Variants in RAPGEF3 observed in about 807,000 individuals in gnomAD.
RAPGEF3 encodes the protein Rap guanine nucleotide exchange factor 3.
RAPGEF3 carries 103 observed loss-of-function variants against 129.8 expected under a neutral mutation model. The observed-to-expected ratio is 0.79, with a 90% CI of 0.68 to 0.93. The LOEUF (loss-of-function observed/expected upper bound fraction) is 0.93. Ranked by LOEUF, RAPGEF3 falls within the 40% of genes least tolerant of loss-of-function variation. The probability of loss-of-function intolerance (pLI) is 0.00; values close to 1 mark genes in which losing one functional copy is unlikely to be tolerated. For missense variants in RAPGEF3, 1,117 were observed against 1,207.4 expected (o/e 0.93, Z 1.11); for synonymous variants, 436 against 482.6 (o/e 0.90, Z 1.26).
chr12:47,740,156 G>T lies in RAPGEF3; in HGVS notation c.2358C>A (p.Ala786=). Residue 786 remains alanine (A), a synonymous_variant, in exon 23 of 28, where the codon GCC becomes GCA. Coordinates refer to ENST00000449771, the MANE Select transcript of RAPGEF3 (RefSeq NM_001098531.4). The part of the protein sequence containing the change: ...LPHKVRKLYS[A]LERLLDPSWN... ...GAGCACTCACCAGCAGCCTCTCGAG[G>T]GCGGAGTACAGCTTCCGGACTTTGT... 1.2e-6 allele frequency: 2 copies of T among 1,613,452 alleles called. No homozygotes were observed. The highest frequency in any genetic ancestry group is 2.2e-5 in the South Asian group (2 of 90,990).
chr12:47,740,041 T>G, intron 23 of RAPGEF3, 100 bp downstream of exon 23: 1 of 1,379,664 alleles, frequency 7.2e-7, no homozygotes, highest in East Asian at 2.5e-5. Flanking sequence ...AAAGGACGAG[T>G]AGAGGGGCTG....
intron 15 of RAPGEF3, 114 bp downstream of exon 15, chr12:47,747,430 G>A: frequency 9.8e-7 from 1 of 1,020,400 alleles, no homozygotes; most frequent in Non-Finnish European, 1.5e-6. Flanking sequence ...AGGAATTGAA[G>A]TAAGTGGTGC....
Position 47,749,090 on chromosome 12 carries a change from C to T in RAPGEF3, c.1042-159G>A. Reference sequence around the variant, plus strand: ...CTTTGGCTCCACCTCCTCAGCCTTCCCTACCTTCCATGCATCCTGCCTCCC... The same window carrying T: ...CTTTGGCTCCACCTCCTCAGCCTTCTCTACCTTCCATGCATCCTGCCTCCC... On this transcript the variant is annotated intron_variant, in intron 10 of 27. Transcript: ENST00000449771. The surrounding 1 kb of genome is among the most constrained non-coding windows in gnomAD (Gnocchi z 4.5). The T allele has an allele frequency of 1.5e-6, 1 of 673,088 alleles. No individual in the cohort carries two copies. The highest frequency in any genetic ancestry group is 2.6e-6 in the Non-Finnish European group (1 of 390,408). The allele number at this position is 673,088 out of a possible 1,614,324, so 41.7% of individuals were successfully genotyped here. A position where few individuals can be genotyped will look rare whatever the true frequency, so the allele number is the denominator to read the frequency against.
At chr12:47,742,474 G>A (rs1457809533) in intron 18 of RAPGEF3, among the ~76,000 whole-genome samples, 3 of 152,188 alleles carry the variant, frequency 2.0e-5, no homozygotes, top group Non-Finnish European at 4.4e-5. Context: ...GAAGGGAGAA[G>A]GCTTTTCTTT....
intron 23 of RAPGEF3, chr12:47,739,740 C>T: frequency 2.7e-6 from 1 of 368,550 alleles, no homozygotes. Flanking sequence ...CCCGCAAGCC[C>T]CTCGGAGTTC....
rs1001788637 is a variant in RAPGEF3 at position 47,749,117 on chromosome 12, C to G, written c.1042-186G>C. 3.1e-6 allele frequency: 2 copies of G among 648,638 alleles called. No homozygotes were observed. Among genetic ancestry groups the G allele is most frequent in the Non-Finnish European group, 5.4e-6 (2 of 373,788 alleles). 40.2% of individuals were successfully genotyped at this position (648,638 alleles called of 1,614,324 possible). On this transcript the variant is annotated intron_variant, in intron 10 of 27. Coordinates refer to ENST00000449771, the MANE Select transcript of RAPGEF3 (RefSeq NM_001098531.4). The surrounding 1 kb of genome is among the most constrained non-coding windows in gnomAD (Gnocchi z 4.5). ...TACCTTCCATGCATCCTGCCTCCCC[C>G]ACAGCCTAGTCCCCCGCCCCCTGCA...
At chr12:47,742,585 G>C (rs1382774649) in intron 18 of RAPGEF3, among the ~76,000 whole-genome samples, 1 of 152,196 alleles carries the variant, frequency 6.6e-6, no homozygotes, top group East Asian at 1.9e-4. Context: ...GAATGTTCCA[G>C]GTTCTCTGGA....
chr12:47,757,080 G>A (rs1401422627), intron 2 of RAPGEF3, among the ~76,000 whole-genome samples: 1 of 152,142 alleles, frequency 6.6e-6, no homozygotes, highest in Non-Finnish European at 1.5e-5. Flanking sequence ...GATTGCTTGG[G>A]CCTAGGAGTT....
chr12:47,738,669 G>T lies in RAPGEF3; in HGVS notation c.2526+21C>A, dbSNP rs758419471. 2.5e-6 allele frequency: 4 copies of T among 1,577,934 alleles called. No individual in the cohort carries two copies. The Admixed American group carries it at 5.0e-5, about 20-fold the overall frequency. ...CCTCCAACCTATGTTAGTAGTGAAT[G>T]CCTGCTCTCCCTGGACTCACCATCT... On this transcript the variant is annotated intron_variant, in intron 25 of 27. Transcript: ENST00000449771.
chr12:47,744,186 AC>A, intron 16 of RAPGEF3, 118 bp from the exon 17 acceptor site: 1 of 796,854 alleles, frequency 1.3e-6, no homozygotes, highest in Non-Finnish European at 2.0e-6. Context: ...CATTCACACC[AC>A]CAGAGGGCTC....
intron 2 of RAPGEF3, among the ~76,000 whole-genome samples, chr12:47,755,189 C>T (rs557465381): frequency 4.0e-4 from 61 of 152,272 alleles, no homozygotes; most frequent in Middle Eastern, 3.4e-3. Context: ...GACCAAAGCC[C>T]AGCTTTGCCA....
At chr12:47,744,743 C>G (rs898599075) in intron 16 of RAPGEF3, 2 of 153,860 alleles carry the variant, frequency 1.3e-5, no homozygotes, top group Non-Finnish European at 2.9e-5. Context: ...GACTCTGGTA[C>G]TGACTCTGTC....
chr12:47,749,929 C>G lies in RAPGEF3; in HGVS notation c.817+1G>C, dbSNP rs201367615. ...GGCTTCTTATGCCCTGCTGGACTTA[C>G]ACACGGTCCCTGCCTTGCTGTGTGG... On this transcript the variant is annotated splice_donor_variant, in intron 8 of 27. Transcript: ENST00000449771. LOFTEE classifies it high-confidence loss of function. This position sits in a 1 kb window ranked among gnomAD's most constrained non-coding sequence, Gnocchi z 4.5. 6.2e-7 allele frequency: 1 copy of G among 1,614,254 alleles called. No individual in the cohort carries two copies. Among genetic ancestry groups the G allele is most frequent in the Non-Finnish European group, 8.5e-7 (1 of 1,180,048 alleles).
Position 47,758,522 on chromosome 12 carries a change from C to G in RAPGEF3, c.6+29G>C, listed in dbSNP as rs753141643. Reference sequence around the variant, plus strand: ...CTTCCTCTCCCGCCCTCTCCTGCTCCTCCTCAACCCTGACCCCACCTTACC... The same window carrying G: ...CTTCCTCTCCCGCCCTCTCCTGCTCGTCCTCAACCCTGACCCCACCTTACC... On this transcript the variant is annotated intron_variant, in intron 1 of 27. Transcript: ENST00000449771. The G allele has an allele frequency of 8.1e-6, 13 of 1,612,378 alleles. No homozygotes were observed. In the South Asian group the frequency reaches 1.4e-4, roughly 18 times the overall value.
Position 47,741,460 on chromosome 12 carries a change from A to C in RAPGEF3, c.1923+45T>G, listed in dbSNP as rs762853248. ...CCAGAATCCACCACTGCCACACTCAAAATAGATCTCCTCCCTGGGCCCTGG... is the reference window on the plus strand; with the variant it reads ...CCAGAATCCACCACTGCCACACTCACAATAGATCTCCTCCCTGGGCCCTGG... On this transcript the variant is annotated intron_variant, in intron 19 of 27. Transcript: ENST00000449771. 4.5e-6 allele frequency: 7 copies of C among 1,559,714 alleles called. No individual in the cohort carries two copies. Among genetic ancestry groups the C allele is most frequent in the Non-Finnish European group, 6.2e-6 (7 of 1,130,914 alleles).
At position 47,758,657 on chromosome 12, in the gene RAPGEF3, G is replaced by A; in HGVS notation, c.-101C>T. ...TGATAAGGGGATCCGGAGGGTGCCA[G>A]TGGGTAAGTCCAGGTACAGTGAACT... is the stretch of plus-strand genomic sequence containing the variant. On this transcript the variant is annotated 5_prime_UTR_variant, in exon 1 of 28. Transcript: ENST00000449771. 1 of 1,582,946 alleles carries A rather than the reference G, an allele frequency of 6.3e-7. No homozygotes were observed. The highest frequency in any genetic ancestry group is 1.2e-5 in the South Asian group (1 of 86,880).
In RAPGEF3 at chr12:47,737,399, G is replaced by T. The variant is rs1470483303; in HGVS notation, c.*168C>A. ...GTCCACTCCGAGGTCCTCCTTAGCT[G>T]CCAGTCATCACAGGGGATGGCTGCC... On this transcript the variant is annotated 3_prime_UTR_variant, in exon 28 of 28. Transcript: ENST00000449771. The T allele has an allele frequency of 3.2e-6, 2 of 621,450 alleles. No individual in the cohort carries two copies. Among genetic ancestry groups the T allele is most frequent in the Non-Finnish European group, 5.6e-6 (2 of 355,280 alleles). The allele number at this position is 621,450 out of a possible 1,614,324, so 38.5% of individuals were successfully genotyped here.
In RAPGEF3 at chr12:47,758,580, C is replaced by A; in HGVS notation, c.-24G>T. 6.2e-7 allele frequency: 1 copy of A among 1,613,880 alleles called. No individual in the cohort carries two copies. The highest frequency in any genetic ancestry group is 8.5e-7 in the Non-Finnish European group (1 of 1,179,864). On this transcript the variant is annotated 5_prime_UTR_variant, in exon 1 of 28. Coordinates refer to ENST00000449771, the MANE Select transcript of RAPGEF3 (RefSeq NM_001098531.4). ...ATGTTTCTTTTCAAGCTCGCACAGCCGTGCAGGCTCTAGCAAAAGGCTGGG... is the reference window on the plus strand; with the variant it reads ...ATGTTTCTTTTCAAGCTCGCACAGCAGTGCAGGCTCTAGCAAAAGGCTGGG...
intron 17 of RAPGEF3, 75 bp downstream of exon 17, chr12:47,743,912 C>G (rs528546000): frequency 6.7e-7 from 1 of 1,487,136 alleles, no homozygotes. Context: ...TCAAGAGTGA[C>G]GACAGCAGGA....
Sources: gnomAD v4.1 joint callset for allele counts (sites outside exome capture counted in the v4.1 genomes callset) on GRCh38, gnomAD v4.1.1 for gene constraint, Gnocchi (gnomAD v3.1) non-coding constraint, MANE v1.5 for transcripts, NCBI Gene and HGNC (gene_info 2026-07-23, HGNC 2026-07-21) for gene names.